NIBAN1: variants seen among roughly 807,000 people sequenced by gnomAD.
The protein encoded by NIBAN1 is niban apoptosis regulator 1.
Under a neutral mutation model 75.1 loss-of-function variants are expected in NIBAN1, and 81 were observed. The observed-to-expected ratio is 1.08, with a 90% CI of 0.90 to 1.30. The LOEUF (loss-of-function observed/expected upper bound fraction) is 1.30, where lower values mean the gene tolerates loss of function less well. Ranked by LOEUF, NIBAN1 falls within the 50% of genes most tolerant of loss-of-function variation. The pLI, the probability that NIBAN1 is intolerant of heterozygous loss-of-function variation, is 0.00. For missense variants in NIBAN1, 1,133 were observed against 1,128.1 expected (o/e 1.00, Z -0.06); for synonymous variants, 436 against 424.8 (o/e 1.03, Z -0.32).
intron 4 of NIBAN1, among the ~76,000 whole-genome samples, chr1:184,886,705 A>G (rs949664263): frequency 2.6e-5 from 4 of 152,218 alleles, no homozygotes; most frequent in African/African-American, 9.7e-5. Context: ...TGCTTCCTGC[A>G]TATGTATTAA....
At position 184,806,038 on chromosome 1, in the gene NIBAN1, A is replaced by G; in HGVS notation, c.1354T>C (p.Phe452Leu). Residue 452 changes from phenylalanine to leucine, a missense_variant, in exon 11 of 14, where the codon TTC becomes CTC. Transcript: ENST00000367511. ...YMQELMENAV[F>L]TFEQLLSPHL... ...GGGGAAAGCAACTGCTCAAAAGTGA[A>G]CACTGCATTCTCCATTAGCTAGAAA... 1 of 1,614,060 alleles carries G rather than the reference A, an allele frequency of 6.2e-7. No homozygotes were observed. Among genetic ancestry groups the G allele is most frequent in the Non-Finnish European group, 8.5e-7 (1 of 1,179,976 alleles).
At chr1:184,879,441 T>A (rs1305201287) in intron 5 of NIBAN1, among the ~76,000 whole-genome samples, 1 of 152,112 alleles carries the variant, frequency 6.6e-6, no homozygotes, top group African/African-American at 2.4e-5. Flanking sequence ...AAACTAAAAT[T>A]CATTGTATAT....
At chr1:184,954,322 G>A (rs998288660) in intron 1 of NIBAN1, among the ~76,000 whole-genome samples, 6 of 152,138 alleles carry the variant, frequency 3.9e-5, no homozygotes, top group Non-Finnish European at 1.5e-5. Context: ...GCTATCCACG[G>A]TGCCACCTCC....
rs1245492472 is a variant in NIBAN1, at chr1:184,913,155, T to TATATATATATATATATC, written c.56-13847_56-13846insGATATATATATATATAT. On this transcript the variant is annotated intron_variant, in intron 1 of 13. Coordinates refer to ENST00000367511, the MANE Select transcript of NIBAN1 (RefSeq NM_052966.4). ...CATGCAGGTATATATATATATATAT[T>TATATATATATATATATC]ATATATATATGCCTTTCATACCATG... is the stretch of plus-strand genomic sequence containing the variant. Among the ~76,000 whole-genome samples, 127 of 74,792 alleles carry TATATATATATATATATC rather than the reference T, an allele frequency of 1.7e-3. 4 individuals carry two copies. The South Asian group carries it at 0.068, about 40-fold the overall frequency. The allele number at this position is 74,792 out of a possible 152,430, so 49.1% of individuals were successfully genotyped here.
At chr1:184,933,498 G>C (rs1347646586) in intron 1 of NIBAN1, among the ~76,000 whole-genome samples, 1 of 152,172 alleles carries the variant, frequency 6.6e-6, no homozygotes, top group Non-Finnish European at 1.5e-5. Context: ...ATCAGGGATA[G>C]TGCTGGGCAC....
At chr1:184,808,967 A>C (rs1654288366) in intron 9 of NIBAN1, among the ~76,000 whole-genome samples, 1 of 152,208 alleles carries the variant, frequency 6.6e-6, no homozygotes, top group South Asian at 2.1e-4. Flanking sequence ...AGCTTAGTTT[A>C]AAATCATTTT....
At chr1:184,884,586 G>T in intron 5 of NIBAN1, 47 bp downstream of exon 5, 2 of 1,606,646 alleles carry the variant, frequency 1.2e-6, no homozygotes, top group East Asian at 2.2e-5. Context: ...CTCAGCGAGG[G>T]CTGCCCCACT....
rs528490787 is a variant in NIBAN1, at chr1:184,930,994, C to CTTCTTTTTTCTT, written c.56-31686_56-31685insAAGAAAAAAGAA. Among the ~76,000 whole-genome samples the CTTCTTTTTTCTT allele has an allele frequency of 1.6e-3, 92 of 57,300 alleles. 1 individual carries two copies. The highest frequency in any genetic ancestry group is 6.1e-3 in the African/African-American group (88 of 14,422). 37.6% of individuals were successfully genotyped at this position (57,300 alleles called of 152,430 possible). A position where few individuals can be genotyped will look rare whatever the true frequency, so the allele number is the denominator to read the frequency against. ...ATTGTTTCTAAGTGCACTTTTTCTT[C>CTTCTTTTTTCTT]TTCTTTTTTTTTTTTTTTTTTTTGA... On this transcript the variant is annotated intron_variant, in intron 1 of 13. Transcript: ENST00000367511.
At chr1:184,944,920 C>T (rs902606527) in intron 1 of NIBAN1, among the ~76,000 whole-genome samples, 3 of 152,204 alleles carry the variant, frequency 2.0e-5, no homozygotes, top group Non-Finnish European at 4.4e-5. Flanking sequence ...AAATACCCCT[C>T]ACCTGTGTGA....
intron 1 of NIBAN1, among the ~76,000 whole-genome samples, chr1:184,945,125 C>T (rs1207465853): frequency 6.6e-6 from 1 of 152,216 alleles, no homozygotes; most frequent in African/African-American, 2.4e-5. Flanking sequence ...TGGGAAACTT[C>T]TACTGCGTTT....
At chr1:184,971,231 T>C (rs1426506940) in intron 1 of NIBAN1, among the ~76,000 whole-genome samples, 1 of 151,900 alleles carries the variant, frequency 6.6e-6, no homozygotes, top group East Asian at 1.9e-4. Flanking sequence ...CTCACAGTGA[T>C]TGTACCACTG....
intron 1 of NIBAN1, among the ~76,000 whole-genome samples, chr1:184,917,735 C>A (rs925589713): frequency 6.6e-6 from 1 of 152,132 alleles, no homozygotes; most frequent in African/African-American, 2.4e-5. Context: ...AAACTCACTA[C>A]ATTAATTATC....
intron 1 of NIBAN1, among the ~76,000 whole-genome samples, chr1:184,962,123 C>G (rs937364623): frequency 6.6e-6 from 1 of 152,024 alleles, no homozygotes; most frequent in Non-Finnish European, 1.5e-5. Context: ...CATTGTGAAA[C>G]AAAGAGTGAA....
rs1658842414 is a variant in NIBAN1, at chr1:184,967,970, G to A, written c.55+6332C>T. Among the ~76,000 whole-genome samples, 3 of 9,404 alleles carry A rather than the reference G, an allele frequency of 3.2e-4. 1 individual carries two copies. Among genetic ancestry groups the A allele is most frequent in the Non-Finnish European group, 9.3e-4 (2 of 2,152 alleles). The allele number at this position is 9,404 out of a possible 152,430, so 6.2% of individuals were successfully genotyped here. A position where few individuals can be genotyped will look rare whatever the true frequency, so the allele number is the denominator to read the frequency against. On this transcript the variant is annotated intron_variant, in intron 1 of 13. Transcript: ENST00000367511. ...TGTAATCCCAGCACTTTGGGAGGCC[G>A]AGGCGGGTGGATCATGAGGTCAGGA...
chr1:184,872,265 T>TA (rs1656128637), intron 5 of NIBAN1, among the ~76,000 whole-genome samples: 1 of 147,090 alleles, frequency 6.8e-6, no homozygotes, highest in Non-Finnish European at 1.5e-5. Context: ...AAATGAAAAA[T>TA]AAAAAAATTA....
intron 5 of NIBAN1, among the ~76,000 whole-genome samples, chr1:184,841,969 A>G (rs1655298807): frequency 6.6e-6 from 1 of 152,096 alleles, no homozygotes; most frequent in African/African-American, 2.4e-5. Flanking sequence ...GGGTGCTGCC[A>G]TTCATATTCA....
In NIBAN1 at chr1:184,894,080, T is replaced by C. The variant is rs1656738154; in HGVS notation, c.313A>G (p.Lys105Glu). Residue 105 changes from lysine (K) to glutamate (E), a missense_variant, in exon 3 of 14, where the codon AAA becomes GAA. Coordinates refer to ENST00000367511, the MANE Select transcript of NIBAN1 (RefSeq NM_052966.4). ...GTAACAAAGAAGTGTCTTACCTCTTTATTCTCATAGCTCTCCACAGCATAA... is the reference window on the plus strand; with the variant it reads ...GTAACAAAGAAGTGTCTTACCTCTTCATTCTCATAGCTCTCCACAGCATAA... The part of the protein sequence containing the change: ...NDYAVESYEN[K>E]EAYQRGAAPK... 1.2e-6 allele frequency: 2 copies of C among 1,602,240 alleles called. No individual in the cohort carries two copies.
rs1557926234 is a variant in NIBAN1 at position 184,947,008 on chromosome 1, G to T, written c.55+27294C>A. Among the ~76,000 whole-genome samples, 5 of 151,728 alleles carry T rather than the reference G, an allele frequency of 3.3e-5. No individual in the cohort carries two copies. The South Asian group carries it at 1.0e-3, about 32-fold the overall frequency. On this transcript the variant is annotated intron_variant, in intron 1 of 13. Transcript: ENST00000367511. ...GAATCTCTTGAACCCAGGAGGTAGA[G>T]GTTGTGGTGAGCCAAGACCGCGCCA...
intron 6 of NIBAN1, among the ~76,000 whole-genome samples, chr1:184,826,006 C>T (rs1050238590): frequency 3.9e-5 from 6 of 152,154 alleles, no homozygotes; most frequent in African/African-American, 1.4e-4. Flanking sequence ...TGGAAATGCC[C>T]GTGAGCTCAT....
Sources: allele counts gnomAD v4.1 joint callset (sites outside exome capture counted in the v4.1 genomes callset), GRCh38; gene constraint gnomAD v4.1.1; transcripts MANE v1.5; gene names NCBI Gene and HGNC (gene_info 2026-07-23, HGNC 2026-07-21).